Variants in PBK observed in about 807,000 individuals in gnomAD.
PBK encodes the protein PDZ binding kinase.
In PBK, 22 loss-of-function variants were observed where a neutral mutation model predicts 33.5. The ratio of observed to expected loss-of-function variants is 0.66; its 90% confidence interval spans 0.47 to 0.94. The LOEUF is 0.94. PBK is among the 40% of genes least tolerant of loss of function. The probability of loss-of-function intolerance (pLI) is 0.00; values close to 1 mark genes in which losing one functional copy is unlikely to be tolerated. For synonymous variants in PBK, 129 were observed against 123.8 expected (o/e 1.04, Z -0.28); for missense variants, 376 against 383.4 (o/e 0.98, Z 0.16).
chr8:27,810,908 T>C, intron 7 of PBK, 50 bp downstream of exon 7: 1 of 1,162,938 alleles, frequency 8.6e-7, no homozygotes, highest in Non-Finnish European at 1.3e-6. Flanking sequence ...TATATAATCT[T>C]TAGTGTGAAA....
chr8:27,822,419 G>C lies in PBK; in HGVS notation c.365C>G (p.Ser122Cys), dbSNP rs780020966. The C allele has an allele frequency of 3.5e-5, 57 of 1,611,998 alleles. No individual in the cohort carries two copies. The highest frequency in any genetic ancestry group is 4.8e-5 in the Non-Finnish European group (56 of 1,178,430). The change falls in exon 5 of 8, where the codon TCT becomes TGT. Residue 122 changes from serine (S) to cysteine (C), a missense_variant. Coordinates refer to ENST00000301905, the MANE Select transcript of PBK (RefSeq NM_018492.4). Reference protein sequence around the residue: ...CLAMEYGGEKSLNDLIEERYK... With the variant: ...CLAMEYGGEKCLNDLIEERYK... ...TCGTTCTTCTATTAAGTCATTTAGAGACTTTTCACCTCCATATTCCATAGC... is the reference window on the plus strand; with the variant it reads ...TCGTTCTTCTATTAAGTCATTTAGACACTTTTCACCTCCATATTCCATAGC...
chr8:27,836,059 A>C (rs55641762), intron 1 of PBK, among the ~76,000 whole-genome samples: 5,626 of 152,350 alleles, frequency 0.037, 159 homozygotes, highest in Middle Eastern at 0.071. Flanking sequence ...CAGGGGAAAT[A>C]TATATCAGTG....
rs1805638167 is a variant in PBK at position 27,809,998 on chromosome 8, G to A, written c.*307C>T. 3.4e-6 allele frequency: 1 copy of A among 291,998 alleles called. No individual in the cohort carries two copies. The highest frequency in any genetic ancestry group is 2.3e-5 in the African/African-American group (1 of 44,130). 18.1% of individuals were successfully genotyped at this position (291,998 alleles called of 1,614,324 possible). ...TATTTAAGAAAGATCATTAATAAAA[G>A]TAATGGTCATTCAATTTAATGTTAC... is the stretch of plus-strand genomic sequence containing the variant. On this transcript the variant is annotated 3_prime_UTR_variant, in exon 8 of 8. Coordinates refer to ENST00000301905, the MANE Select transcript of PBK (RefSeq NM_018492.4).
chr8:27,829,663 C>T (rs1282114607), intron 2 of PBK, among the ~76,000 whole-genome samples: 1 of 151,204 alleles, frequency 6.6e-6, no homozygotes, highest in East Asian at 2.0e-4. Flanking sequence ...GTCAGGAGTT[C>T]GAGACCAGCC....
chr8:27,813,053 C>T (rs895120504), intron 6 of PBK, among the ~76,000 whole-genome samples: 3 of 152,130 alleles, frequency 2.0e-5, no homozygotes, highest in Non-Finnish European at 4.4e-5. Context: ...TTCACAATAG[C>T]AAAGACTTGG....
At chr8:27,835,543 A>T (rs1806211105) in intron 1 of PBK, among the ~76,000 whole-genome samples, 1 of 145,050 alleles carries the variant, frequency 6.9e-6, no homozygotes, top group Admixed American at 7.1e-5. Context: ...CACCTCAGAG[A>T]TCTTCTAAGA....
rs1370953658 is a variant in PBK, at chr8:27,810,237, T to C, written c.*68A>G. On this transcript the variant is annotated 3_prime_UTR_variant, in exon 8 of 8. Coordinates refer to ENST00000301905, the MANE Select transcript of PBK (RefSeq NM_018492.4). ...AATTTTAGAGTCTAATAACTACTGA[T>C]AGTAACTATGTAAATATTTTGGAAT... The C allele has an allele frequency of 8.5e-6, 9 of 1,058,010 alleles. No homozygotes were observed. The highest frequency in any genetic ancestry group is 7.3e-6 in the Non-Finnish European group (5 of 688,130). The allele number at this position is 1,058,010 out of a possible 1,614,324, so 65.5% of individuals were successfully genotyped here. A position where few individuals can be genotyped will look rare whatever the true frequency, so the allele number is the denominator to read the frequency against.
In PBK at chr8:27,822,482, C is replaced by T. The variant is rs746900679; in HGVS notation, c.302G>A (p.Arg101His). ...GCCATCATTGGCTTCAGTAAAAGCA[C>T]GATAACCTTAAAGAAAACATGACAT... ...SLHHPNIVGY[R>H]AFTEANDGSL... Residue 101 changes from arginine to histidine, a missense_variant, in exon 5 of 8, where the codon CGT becomes CAT. Transcript: ENST00000301905. 1.6e-5 allele frequency: 25 copies of T among 1,594,364 alleles called. No individual in the cohort carries two copies. The East Asian group carries it at 1.8e-4, about 11-fold the overall frequency.
intron 7 of PBK, 60 bp from the exon 8 acceptor site, chr8:27,810,561 A>G: frequency 1.0e-6 from 1 of 956,744 alleles, no homozygotes; most frequent in Non-Finnish European, 1.6e-6. Context: ...GGAAAAGTTT[A>G]ATAGCTCACC....
intron 6 of PBK, among the ~76,000 whole-genome samples, chr8:27,814,131 A>G (rs893439196): frequency 1.1e-4 from 17 of 152,318 alleles, no homozygotes; most frequent in African/African-American, 3.8e-4. Flanking sequence ...TGTAAAATCC[A>G]TATCATTTCT....
In PBK at chr8:27,815,338, G is replaced by C. The variant is rs1805789103; in HGVS notation, c.596-4204C>G. Among the ~76,000 whole-genome samples, 3 of 152,182 alleles carry C rather than the reference G, an allele frequency of 2.0e-5. No individual in the cohort carries two copies. In the South Asian group the frequency reaches 6.2e-4, roughly 32 times the overall value. ...CTGTTAAGTGAGAACAAAAATACCAGACTAGGAGGGTACCCAGTACCAGCA... is the reference window on the plus strand; with the variant it reads ...CTGTTAAGTGAGAACAAAAATACCACACTAGGAGGGTACCCAGTACCAGCA... On this transcript the variant is annotated intron_variant, in intron 6 of 7. Coordinates refer to ENST00000301905, the MANE Select transcript of PBK (RefSeq NM_018492.4).
At chr8:27,817,654 C>T (rs565617779) in intron 6 of PBK, among the ~76,000 whole-genome samples, 1 of 152,012 alleles carries the variant, frequency 6.6e-6, no homozygotes, top group Non-Finnish European at 1.5e-5. Context: ...CCTGTACTGC[C>T]TAATTACTCA....
intron 2 of PBK, among the ~76,000 whole-genome samples, chr8:27,830,373 T>C (rs1302298029): frequency 6.6e-6 from 1 of 150,908 alleles, no homozygotes; most frequent in South Asian, 2.1e-4. Context: ...AAGAATAACA[T>C]CATCTTAGAG....
intron 2 of PBK, among the ~76,000 whole-genome samples, chr8:27,829,001 T>C (rs1025703947): frequency 2.0e-5 from 3 of 152,114 alleles, no homozygotes; most frequent in African/African-American, 7.2e-5. Flanking sequence ...GTTTCCAGAC[T>C]GCAGGACAGA....
In PBK at chr8:27,828,164, G is replaced by A. The variant is rs967969042; in HGVS notation, c.93C>T (p.Ala31=). The change falls in exon 3 of 8, where the codon GCC becomes GCT. Residue 31 remains alanine, a synonymous_variant. Coordinates refer to ENST00000301905, the MANE Select transcript of PBK (RefSeq NM_018492.4). ...AGCCAAGCTTCTGCATAAACGGAGA[G>A]GCCGGGATATTTATAGTTGGAGTTG... The part of the protein sequence containing the change: ...LCSTPTINIP[A]SPFMQKLGFG... 12 of 1,580,042 alleles carry A rather than the reference G, an allele frequency of 7.6e-6. No individual in the cohort carries two copies. Among genetic ancestry groups the A allele is most frequent in the Non-Finnish European group, 9.6e-6 (11 of 1,151,540 alleles).
intron 2 of PBK, among the ~76,000 whole-genome samples, 162 bp from the exon 3 acceptor site, chr8:27,828,360 C>A (rs747643852): frequency 5.3e-5 from 8 of 152,136 alleles, no homozygotes; most frequent in Non-Finnish European, 1.0e-4. Context: ...TTTGACCAAG[C>A]CTACTTTTGG....
At chr8:27,816,023 C>T (rs1805803739) in intron 6 of PBK, among the ~76,000 whole-genome samples, 1 of 152,028 alleles carries the variant, frequency 6.6e-6, no homozygotes. Context: ...AGTTACTATC[C>T]CAAACTGAAA....
rs1056882352 is a variant in PBK, at chr8:27,809,984, G to A, written c.*321C>T. 2 of 266,562 alleles carry A rather than the reference G, an allele frequency of 7.5e-6. No individual in the cohort carries two copies. Among genetic ancestry groups the A allele is most frequent in the African/African-American group, 4.6e-5 (2 of 43,332 alleles). 16.5% of individuals were successfully genotyped at this position (266,562 alleles called of 1,614,324 possible). ...ATTAAAATATAGAATATTTAAGAAA[G>A]ATCATTAATAAAAGTAATGGTCATT... On this transcript the variant is annotated 3_prime_UTR_variant, in exon 8 of 8. Transcript: ENST00000301905.
At chr8:27,815,211 A>G (rs753200830) in intron 6 of PBK, among the ~76,000 whole-genome samples, 23 of 152,282 alleles carry the variant, frequency 1.5e-4, no homozygotes, top group Non-Finnish European at 2.8e-4. Flanking sequence ...TAAAAGAAGG[A>G]AAAGTGAGAA....
Sources: allele counts gnomAD v4.1 joint callset (sites outside exome capture counted in the v4.1 genomes callset), GRCh38; gene constraint gnomAD v4.1.1; transcripts MANE v1.5; gene names NCBI Gene and HGNC (gene_info 2026-07-23, HGNC 2026-07-21).